ATP6V1E2: variants seen among roughly 807,000 people sequenced by gnomAD.
ATP6V1E2 encodes the protein V-type proton ATPase subunit E 2.
For missense variants in ATP6V1E2, 308 were observed against 273.3 expected, an observed-to-expected ratio of 1.13 and a Z score of -0.90; for synonymous variants, 121 against 104.2, an observed-to-expected ratio of 1.16 and a Z score of -0.98.
chr2:46,525,115 G>T (rs143927803), intron 4 of ATP6V1E2, among the ~76,000 whole-genome samples: 73 of 152,308 alleles, frequency 4.8e-4, no homozygotes, highest in Non-Finnish European at 9.6e-4. Flanking sequence ...TGGGTGTCAG[G>T]TCTGAGGACT....
At chr2:46,533,544 G>A (rs1400838731) in intron 4 of ATP6V1E2, among the ~76,000 whole-genome samples, 1 of 152,172 alleles carries the variant, frequency 6.6e-6, no homozygotes, top group Non-Finnish European at 1.5e-5. Flanking sequence ...AAAGTTCTGG[G>A]ATTACAGGTG....
chr2:46,515,327 A>C (rs1687663823), intron 4 of ATP6V1E2, among the ~76,000 whole-genome samples: 1 of 152,244 alleles, frequency 6.6e-6, no homozygotes, highest in African/African-American at 2.4e-5. Flanking sequence ...AAAATATGTT[A>C]ATGGATACAT....
chr2:46,539,791 G>C (rs1208506055), intron 2 of ATP6V1E2, among the ~76,000 whole-genome samples: 1 of 152,190 alleles, frequency 6.6e-6, no homozygotes. Flanking sequence ...ACTCCCATTA[G>C]ACTCTTAAGC....
intron 4 of ATP6V1E2, among the ~76,000 whole-genome samples, chr2:46,528,434 G>A (rs1012164159): frequency 1.3e-5 from 2 of 152,258 alleles, no homozygotes; most frequent in African/African-American, 4.8e-5. Context: ...AGTGATCTGA[G>A]AGTCTGGCTG....
intron 2 of ATP6V1E2, among the ~76,000 whole-genome samples, chr2:46,540,581 C>A (rs1028706009): frequency 2.7e-5 from 4 of 147,890 alleles, no homozygotes; most frequent in African/African-American, 1.0e-4. Context: ...TTTCTATCTC[C>A]AATCCCTGAA....
At chr2:46,523,564 C>T (rs1328481251) in intron 4 of ATP6V1E2, among the ~76,000 whole-genome samples, 5 of 152,094 alleles carry the variant, frequency 3.3e-5, no homozygotes, top group Admixed American at 3.3e-4. Context: ...GATGTTATTT[C>T]TGAGGTCTCT....
intron 4 of ATP6V1E2, among the ~76,000 whole-genome samples, chr2:46,529,719 G>A (rs1181370693): frequency 6.6e-6 from 1 of 152,114 alleles, no homozygotes; most frequent in Admixed American, 6.5e-5. Context: ...TTGTGCCACT[G>A]CACTCCAGCC....
At position 46,530,950 on chromosome 2, in the gene ATP6V1E2, T is replaced by C. The variant is rs1382291740; in HGVS notation, c.-102+4863A>G. Among the ~76,000 whole-genome samples the C allele has an allele frequency of 6.6e-6, 1 of 152,244 alleles. No individual in the cohort carries two copies. The highest frequency in any genetic ancestry group is 1.9e-4 in the East Asian group (1 of 5,202). The stretch of plus-strand genomic sequence containing the variant: ...CGTGGCACGTGGGAATTATGGGAGC[T>C]ACAATTCAAGATGAGATTTGGGTGA... On this transcript the variant is annotated intron_variant, in intron 4 of 4. Transcript: ENST00000522587. This position sits in a 1 kb window ranked among gnomAD's most constrained non-coding sequence, Gnocchi z 5.2.
chr2:46,525,197 G>C (rs1368355275), intron 4 of ATP6V1E2, among the ~76,000 whole-genome samples: 1 of 151,574 alleles, frequency 6.6e-6, no homozygotes, highest in South Asian at 2.1e-4. Context: ...ACAGGCGGCC[G>C]GGCGCGGTGG....
intron 4 of ATP6V1E2, among the ~76,000 whole-genome samples, chr2:46,520,452 G>T (rs939059266): frequency 6.6e-5 from 10 of 152,248 alleles, no homozygotes; most frequent in Non-Finnish European, 1.5e-4. Flanking sequence ...CTGTGCTGGG[G>T]ACAGCAGAAG....
intron 4 of ATP6V1E2, among the ~76,000 whole-genome samples, chr2:46,520,823 T>C (rs1339156339): frequency 6.6e-6 from 1 of 152,160 alleles, no homozygotes; most frequent in African/African-American, 2.4e-5. Flanking sequence ...GTGGATTGAT[T>C]GGATTAAGGG....
At chr2:46,528,521 G>A (rs1667034776) in intron 4 of ATP6V1E2, among the ~76,000 whole-genome samples, 1 of 152,232 alleles carries the variant, frequency 6.6e-6, no homozygotes, top group African/African-American at 2.4e-5. Context: ...GACATCACAG[G>A]ATGGTGACTC....
intron 4 of ATP6V1E2, among the ~76,000 whole-genome samples, chr2:46,529,907 A>G (rs1667105481): frequency 6.6e-6 from 1 of 152,210 alleles, no homozygotes; most frequent in Non-Finnish European, 1.5e-5. Flanking sequence ...ATGGGGGTAC[A>G]AAGATGATGA....
chr2:46,541,169 C>G (rs911570944), intron 2 of ATP6V1E2, among the ~76,000 whole-genome samples: 1 of 152,224 alleles, frequency 6.6e-6, no homozygotes, highest in Non-Finnish European at 1.5e-5. Context: ...AGGCCCTGCT[C>G]TCTTTCTCTC....
At chr2:46,540,237 C>G (rs1054615181) in intron 2 of ATP6V1E2, among the ~76,000 whole-genome samples, 2 of 151,914 alleles carry the variant, frequency 1.3e-5, no homozygotes, top group Non-Finnish European at 2.9e-5. Flanking sequence ...GCCTGGGCAA[C>G]GTGGCGAAAC....
intron 4 of ATP6V1E2, among the ~76,000 whole-genome samples, chr2:46,529,625 G>A (rs1667086209): frequency 6.6e-6 from 1 of 152,172 alleles, no homozygotes; most frequent in Admixed American, 6.5e-5. Flanking sequence ...GCATGATGGT[G>A]TGCACCTATG....
rs1227747148 is a variant in ATP6V1E2, at chr2:46,530,963, G to A, written c.-102+4850C>T. Among the ~76,000 whole-genome samples, 1 of 152,174 alleles carries A rather than the reference G, an allele frequency of 6.6e-6. No homozygotes were observed. Among genetic ancestry groups the A allele is most frequent in the Non-Finnish European group, 1.5e-5 (1 of 68,032 alleles). On this transcript the variant is annotated intron_variant, in intron 4 of 4. Coordinates refer to ENST00000522587, the MANE Select transcript of ATP6V1E2 (RefSeq NM_001318063.2). This position sits in a 1 kb window ranked among gnomAD's most constrained non-coding sequence, Gnocchi z 5.2. ...AATTATGGGAGCTACAATTCAAGAT[G>A]AGATTTGGGTGAGGACACAGCCAAA...
intron 4 of ATP6V1E2, among the ~76,000 whole-genome samples, chr2:46,532,324 A>G (rs1277723342): frequency 8.0e-5 from 10 of 124,650 alleles, no homozygotes; most frequent in Non-Finnish European, 1.6e-4. Flanking sequence ...TTCCTTTTTG[A>G]TTTTTTTTTT....
intron 4 of ATP6V1E2, chr2:46,518,953 T>G (rs1426402892): frequency 6.6e-6 from 1 of 152,232 alleles, no homozygotes; most frequent in Non-Finnish European, 1.5e-5. Context: ...ACCAGTCCCC[T>G]GCCAGGGGCC....
Sources: allele counts gnomAD v4.1 joint callset (sites outside exome capture counted in the v4.1 genomes callset), GRCh38; gene constraint gnomAD v4.1.1; non-coding constraint Gnocchi (gnomAD v3.1); transcripts MANE v1.5; gene names NCBI Gene and HGNC (gene_info 2026-07-23, HGNC 2026-07-21).